The following CMIP variants were observed in gnomAD, a reference collection of about 807,000 sequenced individuals.
CMIP encodes c-Maf inducing protein.
In CMIP, 13 loss-of-function variants were observed where a neutral mutation model predicts 97.3. The observed-to-expected ratio is 0.13, with a 90% CI of 0.09 to 0.21. CMIP has a LOEUF of 0.21. Among genes scored for constraint, CMIP ranks in the 10% least tolerant of loss-of-function variants. The pLI is 1.00. For missense variants in CMIP, 847 were observed against 1,024.9 expected (o/e 0.83, Z 2.37); for synonymous variants, 538 against 436.3 (o/e 1.23, Z -2.91).
chr16:81,451,586 A>C (rs987914378), intron 1 of CMIP, among the ~76,000 whole-genome samples: 12 of 152,196 alleles, frequency 7.9e-5, no homozygotes, highest in Non-Finnish European at 1.5e-5. Flanking sequence ...TGAAGAGGGA[A>C]GGGCAGTGTT....
At chr16:81,688,904 C>A (rs139957801) in intron 10 of CMIP, among the ~76,000 whole-genome samples, 3 of 152,016 alleles carry the variant, frequency 2.0e-5, no homozygotes, top group Non-Finnish European at 4.4e-5. Flanking sequence ...TGAGAACATG[C>A]GGTGTTCGTT....
At chr16:81,688,218 G>T (rs1284621080) in intron 10 of CMIP, among the ~76,000 whole-genome samples, 1 of 148,182 alleles carries the variant, frequency 6.7e-6, no homozygotes, top group Non-Finnish European at 1.5e-5. Flanking sequence ...ATGACTCGGA[G>T]TGGGTAACTG....
At chr16:81,656,290 C>G (rs2092481171) in intron 4 of CMIP, among the ~76,000 whole-genome samples, 1 of 152,222 alleles carries the variant, frequency 6.6e-6, no homozygotes, top group Non-Finnish European at 1.5e-5. Context: ...CTTCTGTAAA[C>G]ACATTAGATA....
At chr16:81,661,738 G>T (rs1295478501) in intron 6 of CMIP, among the ~76,000 whole-genome samples, 2 of 152,130 alleles carry the variant, frequency 1.3e-5, no homozygotes, top group Non-Finnish European at 2.9e-5. Context: ...TTCCCTTGCC[G>T]CCCCTTCCCG....
intron 1 of CMIP, among the ~76,000 whole-genome samples, chr16:81,459,912 G>A (rs964588466): frequency 4.6e-5 from 7 of 152,156 alleles, no homozygotes; most frequent in African/African-American, 1.4e-4. Flanking sequence ...TTCTTCCTCC[G>A]AGCCCTGCTG....
At chr16:81,459,869 A>C (rs985957159) in intron 1 of CMIP, among the ~76,000 whole-genome samples, 5 of 152,182 alleles carry the variant, frequency 3.3e-5, no homozygotes, top group African/African-American at 1.2e-4. Flanking sequence ...CACTCTTAGG[A>C]GGTGGCCTTG....
At chr16:81,491,448 G>A (rs960584640) in intron 1 of CMIP, among the ~76,000 whole-genome samples, 2 of 152,202 alleles carry the variant, frequency 1.3e-5, no homozygotes, top group Non-Finnish European at 2.9e-5. Flanking sequence ...TTATGTGTGG[G>A]AAAGCCCTCT....
intron 3 of CMIP, among the ~76,000 whole-genome samples, chr16:81,642,822 G>A (rs972086038): frequency 4.6e-5 from 7 of 152,134 alleles, no homozygotes; most frequent in African/African-American, 1.7e-4. Context: ...CTTGAACCCG[G>A]GAGGCGGAGT....
intron 1 of CMIP, among the ~76,000 whole-genome samples, chr16:81,477,632 A>T (rs920626524): frequency 2.6e-5 from 4 of 152,240 alleles, no homozygotes; most frequent in Non-Finnish European, 5.9e-5. Flanking sequence ...TATAATATTT[A>T]AAAATGCAGC....
intron 3 of CMIP, among the ~76,000 whole-genome samples, chr16:81,626,467 G>A (rs1288662406): frequency 6.7e-6 from 1 of 149,696 alleles, no homozygotes; most frequent in Non-Finnish European, 1.5e-5. Context: ...GTGTGTATGT[G>A]TGGCATGTGG....
At chr16:81,482,915 C>G (rs567651405) in intron 1 of CMIP, among the ~76,000 whole-genome samples, 1 of 152,244 alleles carries the variant, frequency 6.6e-6, no homozygotes, top group South Asian at 2.1e-4. Flanking sequence ...CCTGCTTGCT[C>G]GTCCGTTCAG....
intron 1 of CMIP, among the ~76,000 whole-genome samples, chr16:81,449,044 T>G (rs1160080257): frequency 6.6e-6 from 1 of 152,262 alleles, no homozygotes. Flanking sequence ...GGGTTGAATT[T>G]GATCACCTGC....
intron 9 of CMIP, among the ~76,000 whole-genome samples, chr16:81,676,289 T>A (rs1904307083): frequency 6.6e-6 from 1 of 151,954 alleles, no homozygotes; most frequent in African/African-American, 2.4e-5. Context: ...CCAACACGTT[T>A]CGTGGGCTCA....
chr16:81,606,670 C>G (rs2091749617), intron 1 of CMIP, among the ~76,000 whole-genome samples: 1 of 151,884 alleles, frequency 6.6e-6, no homozygotes, highest in Non-Finnish European at 1.5e-5. Flanking sequence ...CAAGACAGAC[C>G]TAGGCCCTGA....
At chr16:81,695,030 G>A (rs1425707722) in intron 13 of CMIP, among the ~76,000 whole-genome samples, 1 of 152,176 alleles carries the variant, frequency 6.6e-6, no homozygotes, top group Admixed American at 6.5e-5. Context: ...TTGACGCTGG[G>A]AGAACAAAAG....
chr16:81,645,010 C>T (rs541400674), intron 3 of CMIP, among the ~76,000 whole-genome samples: 7 of 152,202 alleles, frequency 4.6e-5, no homozygotes, highest in African/African-American at 7.2e-5. Flanking sequence ...CACTGCCCGA[C>T]GGAGCATTCT....
intron 1 of CMIP, among the ~76,000 whole-genome samples, chr16:81,559,508 G>A (rs2090834419): frequency 1.3e-5 from 2 of 152,224 alleles, no homozygotes; most frequent in African/African-American, 4.8e-5. Context: ...GCCATGCACT[G>A]CATAGTGACG....
chr16:81,610,453 T>G, intron 2 of CMIP: 4 of 986,100 alleles, frequency 4.1e-6, no homozygotes, highest in Non-Finnish European at 4.8e-6. Context: ...GGAGGCGGCT[T>G]GCAACTCCTC....
intron 1 of CMIP, among the ~76,000 whole-genome samples, chr16:81,572,273 C>A (rs898680523): frequency 6.6e-6 from 1 of 152,236 alleles, no homozygotes; most frequent in Admixed American, 6.5e-5. Flanking sequence ...TGGAGTTGGG[C>A]TGTCGGGTTG....
Sources: allele counts gnomAD v4.1 joint callset (sites outside exome capture counted in the v4.1 genomes callset), GRCh38; gene constraint gnomAD v4.1.1; transcripts MANE v1.5; gene names NCBI Gene and HGNC (gene_info 2026-07-23, HGNC 2026-07-21).